TBCD: variants seen among roughly 807,000 people sequenced by gnomAD.
TBCD encodes the protein tubulin-specific chaperone D.
In TBCD, 105 loss-of-function variants were observed where a neutral mutation model predicts 169.3. The observed-to-expected ratio is 0.62, with a 90% CI of 0.53 to 0.73. TBCD has a LOEUF of 0.73. Ranked by LOEUF, TBCD falls within the 30% of genes least tolerant of loss-of-function variation. TBCD has a pLI of 0.00. For missense variants in TBCD, 1,444 were observed against 1,600.1 expected (o/e 0.90, Z 1.66); for synonymous variants, 700 against 643.9 (o/e 1.09, Z -1.32).
chr17:82,797,887 A>G (rs2050212167), intron 8 of TBCD, 85 bp downstream of exon 8: 15 of 1,062,378 alleles, frequency 1.4e-5, no homozygotes, highest in African/African-American at 3.3e-5. Flanking sequence ...CATTTTATTC[A>G]TAGATATAGG....
In TBCD at chr17:82,922,342, C is replaced by T. The variant is rs892632654; in HGVS notation, c.2178+765C>T. Among the ~76,000 whole-genome samples, 4 of 151,926 alleles carry T rather than the reference C, an allele frequency of 2.6e-5. No individual in the cohort carries two copies. The highest frequency in any genetic ancestry group is 5.9e-5 in the Non-Finnish European group (4 of 67,988). On this transcript the variant is annotated intron_variant, in intron 25 of 38. Coordinates refer to ENST00000355528, the MANE Select transcript of TBCD (RefSeq NM_005993.5). The surrounding 1 kb of genome is among the most constrained non-coding windows in gnomAD (Gnocchi z 4.1). Reference sequence around the variant, plus strand: ...CGCCATTGCACTCCAGCCTGGGTGACAAGAGCAAGACCCTGCCTCAAAAAC... The same window carrying T: ...CGCCATTGCACTCCAGCCTGGGTGATAAGAGCAAGACCCTGCCTCAAAAAC...
At chr17:82,776,492 A>C (rs1297308092) in intron 6 of TBCD, among the ~76,000 whole-genome samples, 2 of 152,222 alleles carry the variant, frequency 1.3e-5, no homozygotes, top group African/African-American at 4.8e-5. Context: ...TACCGTGTTT[A>C]TCTTCTTTGC....
At chr17:82,764,616 G>C (rs896007730) in intron 3 of TBCD, among the ~76,000 whole-genome samples, 1 of 152,226 alleles carries the variant, frequency 6.6e-6, no homozygotes, top group Non-Finnish European at 1.5e-5. Context: ...TTGCACTCCA[G>C]CCTGAGTGAC....
rs1336878975 is a variant in TBCD, at chr17:82,806,530, C to CCA, written c.1087+525_1087+526dup. Among the ~76,000 whole-genome samples, 2 of 152,130 alleles carry CCA rather than the reference C, an allele frequency of 1.3e-5. No individual in the cohort carries two copies. The highest frequency in any genetic ancestry group is 4.8e-5 in the African/African-American group (2 of 41,428). ...CATGGCGGCCATCCTGGGCTCCTGT[C>CCA]CACACACTGTCCTGCCCTCCTGCCG... On this transcript the variant is annotated intron_variant, in intron 10 of 38. Coordinates refer to ENST00000355528, the MANE Select transcript of TBCD (RefSeq NM_005993.5). The surrounding 1 kb of genome is among the most constrained non-coding windows in gnomAD (Gnocchi z 5.1).
At position 82,941,424 on chromosome 17, in the gene TBCD, G is replaced by A. The variant is rs555409758; in HGVS notation, c.3505G>A (p.Glu1169Lys). Reference protein sequence around the residue: ...AWDAELAVVREQRNRLCDLLG... With the variant: ...AWDAELAVVRKQRNRLCDLLG... ...GGACGCGGAGCTTGCAGTGGTGAGA[G>A]AGCAGCGCAACCGTCTGTGTGACCT... The change falls in exon 38 of 39, where the codon GAG becomes AAG. Residue 1169 changes from glutamate (E) to lysine (K), a missense_variant. Transcript: ENST00000355528. 1.2e-6 allele frequency: 2 copies of A among 1,600,472 alleles called. No individual in the cohort carries two copies. Among genetic ancestry groups the A allele is most frequent in the South Asian group, 2.2e-5 (2 of 89,174 alleles).
At chr17:82,912,336 G>A (rs2060705973) in intron 23 of TBCD, among the ~76,000 whole-genome samples, 1 of 152,242 alleles carries the variant, frequency 6.6e-6, no homozygotes, top group South Asian at 2.1e-4. Context: ...CGGGGGTTAG[G>A]ACAGTCGGGC....
chr17:82,900,821 C>A (rs2059839086), intron 18 of TBCD, 90 bp downstream of exon 18: 2 of 943,522 alleles, frequency 2.1e-6, no homozygotes, highest in Non-Finnish European at 3.4e-6. Context: ...TGTATTTTCT[C>A]ACTGTGGATG....
At chr17:82,937,767 C>A in intron 35 of TBCD, 3 of 1,116,870 alleles carry the variant, frequency 2.7e-6, no homozygotes, top group Non-Finnish European at 3.7e-6. Flanking sequence ...TGCTCTGTGG[C>A]TCCTTGAGGT....
intron 2 of TBCD, among the ~76,000 whole-genome samples, chr17:82,760,455 CTT>C (rs929181475): frequency 6.6e-6 from 1 of 151,794 alleles, no homozygotes; most frequent in Non-Finnish European, 1.5e-5. Context: ...TTCCTGGAGA[CTT>C]TTTTTTAGGT....
Position 82,752,621 on chromosome 17 carries a change from C to A in TBCD, c.184+244C>A, listed in dbSNP as rs1598352730. Among the ~76,000 whole-genome samples, 3 of 152,136 alleles carry A rather than the reference C, an allele frequency of 2.0e-5. No homozygotes were observed. In the East Asian group the frequency reaches 5.8e-4, roughly 29 times the overall value. On this transcript the variant is annotated intron_variant, in intron 1 of 38. Transcript: ENST00000355528. Reference sequence around the variant, plus strand: ...TGGGGGGACCGTGGCCCGCGGAGCGCCTGCTCTCGCACGGGGTGAAGCCTC... The same window carrying A: ...TGGGGGGACCGTGGCCCGCGGAGCGACTGCTCTCGCACGGGGTGAAGCCTC...
intron 13 of TBCD, chr17:82,865,357 G>C (rs1859508678): frequency 1.5e-6 from 1 of 665,242 alleles, no homozygotes. Flanking sequence ...TGCACCGGCA[G>C]GCTCCACGCT....
chr17:82,758,400 A>AAAAAAT (rs1035939621), intron 2 of TBCD, among the ~76,000 whole-genome samples: 3 of 100,042 alleles, frequency 3.0e-5, no homozygotes, highest in African/African-American at 1.1e-4. Flanking sequence ...AAAAAAAAAA[A>AAAAAAT]AAATAAATAA....
chr17:82,855,352 C>A (rs2056182520), intron 13 of TBCD, among the ~76,000 whole-genome samples: 1 of 144,826 alleles, frequency 6.9e-6, no homozygotes, highest in Non-Finnish European at 1.5e-5. Flanking sequence ...GCAGTCTTGG[C>A]CTCCTGGACT....
chr17:82,903,343 G>A lies in TBCD; in HGVS notation c.1731-62G>A, dbSNP rs2060017525. On this transcript the variant is annotated intron_variant, in intron 18 of 38. Transcript: ENST00000355528. The surrounding 1 kb of genome is among the most constrained non-coding windows in gnomAD (Gnocchi z 4.8). ...GTTGTCTCCCTCACTTTCTTTTTAT[G>A]AATTGAATAAAGCTAGAATCATAAA... The A allele has an allele frequency of 6.8e-7, 1 of 1,475,102 alleles. No individual in the cohort carries two copies. The highest frequency in any genetic ancestry group is 1.7e-4 in the Middle Eastern group (1 of 5,846). 91.4% of individuals were successfully genotyped at this position (1,475,102 alleles called of 1,614,324 possible). A position where few individuals can be genotyped will look rare whatever the true frequency, so the allele number is the denominator to read the frequency against.
Position 82,907,654 on chromosome 17 carries a change from G to A in TBCD, c.1923-107G>A. ...TTGCTGAGCCTATGCTCCTCCGAGT[G>A]TACTTGGGGTTAGGGTCTTGGGGAG... On this transcript the variant is annotated intron_variant, in intron 20 of 38. Coordinates refer to ENST00000355528, the MANE Select transcript of TBCD (RefSeq NM_005993.5). 16 of 1,240,394 alleles carry A rather than the reference G, an allele frequency of 1.3e-5. No individual in the cohort carries two copies. In the South Asian group the frequency reaches 2.1e-4, roughly 16 times the overall value. The allele number at this position is 1,240,394 out of a possible 1,614,324, so 76.8% of individuals were successfully genotyped here. A position where few individuals can be genotyped will look rare whatever the true frequency, so the allele number is the denominator to read the frequency against.
chr17:82,854,649 C>T (rs78636107), intron 13 of TBCD, among the ~76,000 whole-genome samples: 1,848 of 152,252 alleles, frequency 0.012, 51 homozygotes, highest in African/African-American at 0.042. Context: ...GTTTGCATGT[C>T]GCACAGAAAG....
intron 9 of TBCD, among the ~76,000 whole-genome samples, chr17:82,804,284 T>TA (rs1402951809): frequency 1.3e-5 from 2 of 152,142 alleles, no homozygotes; most frequent in Non-Finnish European, 2.9e-5. Flanking sequence ...TACCCTACAT[T>TA]ACAGTGTACC....
At chr17:82,929,559 CCT>C in intron 32 of TBCD, 59 bp downstream of exon 32, 4 of 1,594,260 alleles carry the variant, frequency 2.5e-6, no homozygotes, top group Non-Finnish European at 3.4e-6. Flanking sequence ...CTGGTGCTTC[CCT>C]GTCTCTTGGG....
intron 25 of TBCD, 54 bp downstream of exon 25, chr17:82,921,631 G>A: frequency 1.3e-6 from 2 of 1,542,826 alleles, no homozygotes; most frequent in Non-Finnish European, 1.8e-6. Flanking sequence ...TAGTGTGTTA[G>A]TCACGGATGG....
Sources: allele counts gnomAD v4.1 joint callset (sites outside exome capture counted in the v4.1 genomes callset), GRCh38; gene constraint gnomAD v4.1.1; non-coding constraint Gnocchi (gnomAD v3.1); transcripts MANE v1.5; gene names NCBI Gene and HGNC (gene_info 2026-07-23, HGNC 2026-07-21).